The following SCLT1 variants were observed in gnomAD, a reference collection of about 807,000 sequenced individuals.
SCLT1 encodes sodium channel and clathrin linker 1, also known as sodium channel-associated protein 1.
A neutral mutation model predicts 112.8 loss-of-function variants in SCLT1; 78 were observed. That is an observed-to-expected ratio of 0.69 (90% CI 0.58 to 0.83). SCLT1 has a LOEUF of 0.83. SCLT1 is among the 40% of genes least tolerant of loss of function. The probability of loss-of-function intolerance (pLI) is 0.00; values close to 1 mark genes in which losing one functional copy is unlikely to be tolerated. For synonymous variants in SCLT1, 257 were observed against 254.7 expected, an observed-to-expected ratio of 1.01 and a Z score of -0.09; for missense variants, 747 against 770.4, an observed-to-expected ratio of 0.97 and a Z score of 0.36.
chr4:128,970,278 T>C (rs1740577159), intron 10 of SCLT1, 100 bp downstream of exon 10: 4 of 692,330 alleles, frequency 5.8e-6, no homozygotes, highest in South Asian at 4.9e-5. Context: ...AATTAATTCA[T>C]CTTCTGACAA....
At chr4:129,058,048 C>T (rs1371575041) in intron 2 of SCLT1, among the ~76,000 whole-genome samples, 8 of 152,148 alleles carry the variant, frequency 5.3e-5, no homozygotes, top group Non-Finnish European at 1.2e-4. Flanking sequence ...CATGCCTGGC[C>T]CAATCCCTTG....
intron 15 of SCLT1, among the ~76,000 whole-genome samples, chr4:128,947,397 C>G (rs557507075): frequency 6.6e-6 from 1 of 152,094 alleles, no homozygotes; most frequent in African/African-American, 2.4e-5. Flanking sequence ...ATTTTGAACA[C>G]ATGTATTTTT....
rs150547710 is a variant in SCLT1 at position 129,023,122 on chromosome 4, G to A, written c.290+15919C>T. Among the ~76,000 whole-genome samples the A allele has an allele frequency of 8.1e-4, 124 of 152,290 alleles. No homozygotes were observed. In the East Asian group the frequency reaches 0.021, roughly 25 times the overall value. ...GAGGTATTTTGTCACCACCACATCT[G>A]TCTTCCAAGAGCTCCTGAAGGAAGC... On this transcript the variant is annotated intron_variant, in intron 5 of 20. Transcript: ENST00000281142.
chr4:128,890,046 C>T (rs2125922996), intron 19 of SCLT1, among the ~76,000 whole-genome samples: 1 of 152,152 alleles, frequency 6.6e-6, no homozygotes, highest in Non-Finnish European at 1.5e-5. Flanking sequence ...TCCAATTTAC[C>T]AAGATGTTTA....
chr4:128,889,072 C>A (rs1733110429), intron 19 of SCLT1, among the ~76,000 whole-genome samples: 2 of 152,172 alleles, frequency 1.3e-5, no homozygotes, highest in Admixed American at 1.3e-4. Context: ...TTCAGAATCA[C>A]CTGGACTGTG....
intron 18 of SCLT1, among the ~76,000 whole-genome samples, chr4:128,896,813 G>A (rs540070174): frequency 2.0e-5 from 3 of 152,282 alleles, no homozygotes; most frequent in South Asian, 4.1e-4. Context: ...AATAACGAAT[G>A]CAGAGAAGTC....
At chr4:128,979,548 T>C (rs1741468900) in intron 9 of SCLT1, among the ~76,000 whole-genome samples, 1 of 152,192 alleles carries the variant, frequency 6.6e-6, no homozygotes, top group African/African-American at 2.4e-5. Flanking sequence ...AATAAATACA[T>C]TTCTGTTGTT....
At chr4:129,079,429 A>C (rs1751740927) in intron 2 of SCLT1, among the ~76,000 whole-genome samples, 1 of 152,226 alleles carries the variant, frequency 6.6e-6, no homozygotes, top group African/African-American at 2.4e-5. Flanking sequence ...GACAGGGTCT[A>C]CAGGCCGCGG....
At chr4:128,983,976 C>T (rs968136595) in intron 9 of SCLT1, among the ~76,000 whole-genome samples, 4 of 152,146 alleles carry the variant, frequency 2.6e-5, no homozygotes, top group African/African-American at 9.7e-5. Context: ...GTAAAAGAAG[C>T]ATCTGTTTAT....
chr4:128,991,835 T>A (rs1742599743), intron 9 of SCLT1, among the ~76,000 whole-genome samples: 1 of 151,802 alleles, frequency 6.6e-6, no homozygotes, highest in Non-Finnish European at 1.5e-5. Context: ...TATAATCTAT[T>A]TGCATTTACA....
At chr4:129,073,269 G>A (rs1751180994) in intron 2 of SCLT1, among the ~76,000 whole-genome samples, 1 of 152,048 alleles carries the variant, frequency 6.6e-6, no homozygotes, top group Non-Finnish European at 1.5e-5. Flanking sequence ...ACTTATTCCT[G>A]TAGTCGTTCT....
intron 2 of SCLT1, among the ~76,000 whole-genome samples, chr4:129,078,579 A>T (rs551374118): frequency 7.2e-5 from 11 of 152,058 alleles, no homozygotes; most frequent in Non-Finnish European, 1.6e-4. Context: ...TATAACAGCA[A>T]ATAGTGAATG....
intron 15 of SCLT1, among the ~76,000 whole-genome samples, chr4:128,948,213 C>G (rs1738353366): frequency 6.6e-6 from 1 of 151,236 alleles, no homozygotes; most frequent in African/African-American, 2.4e-5. Flanking sequence ...GCACACGCCT[C>G]TATTCCCAGC....
At chr4:128,928,462 C>A (rs936061182) in intron 18 of SCLT1, among the ~76,000 whole-genome samples, 5 of 152,140 alleles carry the variant, frequency 3.3e-5, no homozygotes, top group African/African-American at 1.2e-4. Flanking sequence ...CTAGCAAAAT[C>A]AATCCATAAA....
At chr4:129,023,203 T>C in intron 5 of SCLT1, among the ~76,000 whole-genome samples, 1 of 152,050 alleles carries the variant, frequency 6.6e-6, no homozygotes, top group South Asian at 2.1e-4. Context: ...CAATAAAATA[T>C]AAAGACCAAT....
At chr4:129,028,724 A>C (rs1462636952) in intron 5 of SCLT1, among the ~76,000 whole-genome samples, 1 of 152,140 alleles carries the variant, frequency 6.6e-6, no homozygotes, top group Admixed American at 6.6e-5. Flanking sequence ...AGAAACTACC[A>C]TCAGAGTGAA....
intron 2 of SCLT1, among the ~76,000 whole-genome samples, chr4:129,070,815 G>A (rs750345982): frequency 3.9e-5 from 6 of 152,096 alleles, no homozygotes; most frequent in Non-Finnish European, 8.8e-5. Flanking sequence ...GTTCTGCTGG[G>A]TTTGGGTTTA....
intron 2 of SCLT1, among the ~76,000 whole-genome samples, chr4:129,069,316 T>C (rs1750773083): frequency 6.6e-6 from 1 of 152,092 alleles, no homozygotes; most frequent in African/African-American, 2.4e-5. Flanking sequence ...TGAAGAATAA[T>C]GGTATTTTGA....
intron 5 of SCLT1, among the ~76,000 whole-genome samples, chr4:129,011,742 A>G (rs570852601): frequency 3.3e-5 from 5 of 152,056 alleles, no homozygotes; most frequent in East Asian, 1.9e-4. Flanking sequence ...CAGTAATTCA[A>G]TTTCCTCCTG....
Sources: allele counts gnomAD v4.1 joint callset (sites outside exome capture counted in the v4.1 genomes callset), GRCh38; gene constraint gnomAD v4.1.1; transcripts MANE v1.5; gene names NCBI Gene and HGNC (gene_info 2026-07-23, HGNC 2026-07-21).